The following STRN variants were observed in gnomAD, a reference collection of about 807,000 sequenced individuals.
STRN encodes the protein protein phosphatase 2 regulatory subunit B'''alpha.
A neutral mutation model predicts 96.3 loss-of-function variants in STRN; 53 were observed. The ratio of observed to expected loss-of-function variants is 0.55; its 90% CI spans 0.44 to 0.69. STRN has a LOEUF of 0.69. Ranked by LOEUF, STRN falls within the 30% of genes least tolerant of loss-of-function variation. The pLI, the probability that STRN is intolerant of heterozygous loss-of-function variation, is 0.00. For synonymous variants in STRN, 428 were observed against 355.9 expected (o/e 1.20, Z -2.28); for missense variants, 987 against 963.9 (o/e 1.02, Z -0.32).
rs1203319755 is a variant in STRN, at chr2:36,889,137, A to G, written c.932-2311T>C. On this transcript the variant is annotated intron_variant, in intron 7 of 17. Transcript: ENST00000263918. ...TTAGTTGAATGTAAGCACCAGAAGA[A>G]TAAGTATCTTCACCTAGAAAACCCA... Among the ~76,000 whole-genome samples, 4 of 152,218 alleles carry G rather than the reference A, an allele frequency of 2.6e-5. No homozygotes were observed. The East Asian group carries it at 7.7e-4, about 29-fold the overall frequency.
rs1220829568 is a variant in STRN, at chr2:36,847,887, A to C, written c.*1569T>G. ...GTAGAAATTGTTTTAATTGGTTAAA[A>C]TATCTATAGATTTAATATTTTTAAA... On this transcript the variant is annotated 3_prime_UTR_variant, in exon 18 of 18. Coordinates refer to ENST00000263918, the MANE Select transcript of STRN (RefSeq NM_003162.4). 1.8e-4 allele frequency: 28 copies of C among 152,202 alleles called. No homozygotes were observed. Among genetic ancestry groups the C allele is most frequent in the Admixed American group, 1.6e-3 (25 of 15,268 alleles). 9.4% of individuals were successfully genotyped at this position (152,202 alleles called of 1,614,324 possible).
chr2:36,859,978 T>C (rs1310799107), intron 13 of STRN, among the ~76,000 whole-genome samples: 1 of 152,162 alleles, frequency 6.6e-6, no homozygotes, highest in African/African-American at 2.4e-5. Flanking sequence ...TTGTGTTTTC[T>C]AGACAATACC....
At position 36,919,562 on chromosome 2, in the gene STRN, A is replaced by C. The variant is rs541277200; in HGVS notation, c.339-3411T>G. 7.2e-5 allele frequency among the ~76,000 whole-genome samples: 11 copies of C among 152,354 alleles called. No homozygotes were observed. The South Asian group carries it at 1.7e-3, about 23-fold the overall frequency. On this transcript the variant is annotated intron_variant, in intron 2 of 17. Transcript: ENST00000263918. The stretch of plus-strand genomic sequence containing the variant: ...AAAGGTATGGAAGGAATGGAGACAG[A>C]GAAGGGACAGAAAGGGCCTGGCTGT...
intron 5 of STRN, among the ~76,000 whole-genome samples, chr2:36,901,288 C>G (rs775242261): frequency 6.6e-6 from 1 of 152,146 alleles, no homozygotes; most frequent in Non-Finnish European, 1.5e-5. Flanking sequence ...CGTGGGGGCT[C>G]ATGCCGGTAA....
In STRN at chr2:36,841,167, T is replaced by G. The variant is rs1667941607; in HGVS notation, c.*8289A>C. ...AATGAGAAATAAGGAGCACATTCTTTTTTTTTTTTTTTAATCAAATCGATT... is the reference window on the plus strand; with the variant it reads ...AATGAGAAATAAGGAGCACATTCTTGTTTTTTTTTTTTAATCAAATCGATT... On this transcript the variant is annotated 3_prime_UTR_variant, in exon 18 of 18. Coordinates refer to ENST00000263918, the MANE Select transcript of STRN (RefSeq NM_003162.4). 6.7e-6 allele frequency: 1 copy of G among 150,028 alleles called. No individual in the cohort carries two copies. Among genetic ancestry groups the G allele is most frequent in the South Asian group, 2.1e-4 (1 of 4,802 alleles). 9.3% of individuals were successfully genotyped at this position (150,028 alleles called of 1,614,324 possible). A position where few individuals can be genotyped will look rare whatever the true frequency, so the allele number is the denominator to read the frequency against.
At position 36,902,685 on chromosome 2, in the gene STRN, C is replaced by T; in HGVS notation, c.558G>A (p.Leu186=). 6.2e-7 allele frequency: 1 copy of T among 1,611,792 alleles called. No individual in the cohort carries two copies. The highest frequency in any genetic ancestry group is 2.2e-5 in the East Asian group (1 of 44,778). Residue 186 remains leucine, a synonymous_variant, in exon 5 of 18, where the codon TTG becomes TTA. Transcript: ENST00000263918. ...CCGTGACATCACTTGAAAAGCCCAA[C>T]AAAGCTCGCACTCGTTTAGATTTCA... ...LDVKSKRVRA[L]LGFSSDVTDR...
At chr2:36,924,636 T>G (rs1160234077) in intron 2 of STRN, among the ~76,000 whole-genome samples, 1 of 152,196 alleles carries the variant, frequency 6.6e-6, no homozygotes, top group Non-Finnish European at 1.5e-5. Context: ...ATTAAACTAT[T>G]CATAATAAAA....
At chr2:36,925,779 T>G (rs558340285) in intron 1 of STRN, among the ~76,000 whole-genome samples, 120 of 152,218 alleles carry the variant, frequency 7.9e-4, no homozygotes, top group Non-Finnish European at 1.4e-3. Context: ...TATCAAAAAA[T>G]AAAATAAAAC....
chr2:36,887,541 T>A (rs1056588830), intron 7 of STRN, among the ~76,000 whole-genome samples: 3 of 151,858 alleles, frequency 2.0e-5, no homozygotes, highest in African/African-American at 7.2e-5. Context: ...ACAAAAAGAC[T>A]TTGTATTAAT....
intron 10 of STRN, among the ~76,000 whole-genome samples, chr2:36,873,331 A>G (rs775460875): frequency 5.9e-5 from 9 of 152,258 alleles, no homozygotes; most frequent in Non-Finnish European, 4.4e-5. Flanking sequence ...GTAAGACAAT[A>G]TAACTGAAAA....
At position 36,869,681 on chromosome 2, in the gene STRN, T is replaced by A; in HGVS notation, c.1372A>T (p.Thr458Ser). 6.2e-7 allele frequency: 1 copy of A among 1,611,880 alleles called. No individual in the cohort carries two copies. Among genetic ancestry groups the A allele is most frequent in the Non-Finnish European group, 8.5e-7 (1 of 1,179,074 alleles). The change falls in exon 11 of 18, where the codon ACA becomes TCA. Residue 458 changes from threonine to serine, a missense_variant. Physicochemically the swap from Thr to Ser is moderately conservative, Grantham distance 58. Coordinates refer to ENST00000263918, the MANE Select transcript of STRN (RefSeq NM_003162.4). ...ALRKTWNPKF[T>S]LRSHFDGIRA... ...ATGCCATCAAAGTGACTTCTCAATGTAAACTTAGGGTTCCATGTCTTCCTC... is the reference window on the plus strand; with the variant it reads ...ATGCCATCAAAGTGACTTCTCAATGAAAACTTAGGGTTCCATGTCTTCCTC...
At chr2:36,950,019 A>G (rs528923531) in intron 1 of STRN, among the ~76,000 whole-genome samples, 1 of 152,296 alleles carries the variant, frequency 6.6e-6, no homozygotes, top group Admixed American at 6.5e-5. Context: ...AACCAAAAGC[A>G]GAAAAAGAGA....
In STRN at chr2:36,964,307, C is replaced by T. The variant is rs1665103624; in HGVS notation, c.234+1923G>A. Among the ~76,000 whole-genome samples, 3 of 148,024 alleles carry T rather than the reference C, an allele frequency of 2.0e-5. No individual in the cohort carries two copies. In the Admixed American group the frequency reaches 2.0e-4, roughly 10 times the overall value. ...TTTTAACCAAATTAGTGTGAGTTAT[C>T]TATATTCCCAAAACTGGAAAAGAAA... On this transcript the variant is annotated intron_variant, in intron 1 of 17. Transcript: ENST00000263918.
At chr2:36,904,388 C>A (rs768585200) in intron 4 of STRN, among the ~76,000 whole-genome samples, 35 of 152,184 alleles carry the variant, frequency 2.3e-4, no homozygotes, top group Non-Finnish European at 4.6e-4. Flanking sequence ...TTTCATTTTA[C>A]TGAGGCACAA....
chr2:36,857,960 C>T lies in STRN; in HGVS notation c.1733G>A (p.Ser578Asn), dbSNP rs1434901305. 6.2e-7 allele frequency: 1 copy of T among 1,613,612 alleles called. No homozygotes were observed. Among genetic ancestry groups the T allele is most frequent in the Admixed American group, 1.7e-5 (1 of 59,980 alleles). ...GGACAACAAACGCTGATGTGCTGCA[C>T]TATAAGCCAAACCCCAGACTGCATC... ...HTDAVWGLAYSAAHQRLLSCS... is the reference protein window; with the variant it reads ...HTDAVWGLAYNAAHQRLLSCS... Residue 578 changes from serine to asparagine, a missense_variant, in exon 14 of 18, where the codon AGT becomes AAT. Physicochemically the swap from Ser to Asn is conservative, Grantham distance 46. Transcript: ENST00000263918.
At chr2:36,929,093 G>A (rs1172295309) in intron 1 of STRN, among the ~76,000 whole-genome samples, 1 of 152,066 alleles carries the variant, frequency 6.6e-6, no homozygotes, top group Non-Finnish European at 1.5e-5. Context: ...GAAAATGAAT[G>A]TTGAACTTCC....
chr2:36,963,525 G>T (rs1357250564), intron 1 of STRN, among the ~76,000 whole-genome samples: 1 of 151,974 alleles, frequency 6.6e-6, no homozygotes, highest in Non-Finnish European at 1.5e-5. Flanking sequence ...CACTAATAAG[G>T]GGGGACAAAG....
chr2:36,966,132 G>A (rs1442958579), intron 1 of STRN, 98 bp downstream of exon 1: 1 of 1,313,796 alleles, frequency 7.6e-7, no homozygotes, highest in Non-Finnish European at 9.8e-7. Context: ...AAGGGGGAGG[G>A]GACGCGAGAA....
intron 1 of STRN, among the ~76,000 whole-genome samples, chr2:36,950,646 C>T (rs965431282): frequency 6.6e-6 from 1 of 152,150 alleles, no homozygotes; most frequent in Non-Finnish European, 1.5e-5. Flanking sequence ...TCCATGGTAT[C>T]CCCAGTGCCT....
Sources: allele counts gnomAD v4.1 joint callset (sites outside exome capture counted in the v4.1 genomes callset), GRCh38; gene constraint gnomAD v4.1.1; transcripts MANE v1.5; gene names NCBI Gene and HGNC (gene_info 2026-07-23, HGNC 2026-07-21).